Variants in ZFAND3 observed in about 807,000 individuals in gnomAD.
The protein encoded by ZFAND3 is zinc finger AN1-type containing 3.
ZFAND3 carries 10 observed loss-of-function variants against 29.6 expected under a neutral mutation model. The ratio of observed to expected loss-of-function variants is 0.34; its 90% CI spans 0.21 to 0.57. The LOEUF (loss-of-function observed/expected upper bound fraction) is 0.57. Ranked by LOEUF, ZFAND3 falls within the 20% of genes least tolerant of loss-of-function variation. The probability of loss-of-function intolerance (pLI) is 0.86; values close to 1 mark genes in which losing one functional copy is unlikely to be tolerated. For missense variants in ZFAND3, 230 were observed against 304.5 expected, an observed-to-expected ratio of 0.76 and a Z score of 1.82; for synonymous variants, 128 against 112.6, an observed-to-expected ratio of 1.14 and a Z score of -0.87.
intron 3 of ZFAND3, among the ~76,000 whole-genome samples, chr6:38,075,739 A>G (rs1195313974): frequency 7.3e-6 from 1 of 136,502 alleles, no homozygotes; most frequent in Non-Finnish European, 1.6e-5. Flanking sequence ...GAGTCAGTTG[A>G]TCTGGCAGAG....
At chr6:37,941,785 C>T (rs1308885208) in intron 2 of ZFAND3, among the ~76,000 whole-genome samples, 7 of 152,078 alleles carry the variant, frequency 4.6e-5, no homozygotes, top group East Asian at 1.9e-4. Flanking sequence ...TTGGTACTCC[C>T]GTTCTCTCAT....
At chr6:38,027,341 T>G (rs1024861530) in intron 2 of ZFAND3, among the ~76,000 whole-genome samples, 3 of 152,206 alleles carry the variant, frequency 2.0e-5, no homozygotes, top group African/African-American at 2.4e-5. Context: ...CATGGTGGAT[T>G]TATGGAATCT....
chr6:37,880,162 C>G (rs1356256189), intron 1 of ZFAND3, among the ~76,000 whole-genome samples: 1 of 152,162 alleles, frequency 6.6e-6, no homozygotes, highest in Non-Finnish European at 1.5e-5. Flanking sequence ...AATGTAGCAA[C>G]AAAAACTCAC....
At chr6:37,992,351 A>G (rs1295197680) in intron 2 of ZFAND3, among the ~76,000 whole-genome samples, 2 of 152,218 alleles carry the variant, frequency 1.3e-5, no homozygotes, top group African/African-American at 2.4e-5. Flanking sequence ...ATAAATGAAA[A>G]GAGTGGAGCT....
chr6:38,049,316 A>G (rs1308427247), intron 2 of ZFAND3, among the ~76,000 whole-genome samples: 2 of 152,240 alleles, frequency 1.3e-5, no homozygotes, highest in African/African-American at 2.4e-5. Flanking sequence ...AAGATTTACT[A>G]TATGTCAGGC....
chr6:37,842,591 T>C (rs1764098982), intron 1 of ZFAND3, among the ~76,000 whole-genome samples: 1 of 152,186 alleles, frequency 6.6e-6, no homozygotes, highest in Admixed American at 6.5e-5. Flanking sequence ...ATTTGCTTTT[T>C]AAATAATAAT....
chr6:37,980,058 A>G (rs1457941346), intron 2 of ZFAND3, among the ~76,000 whole-genome samples: 2 of 151,946 alleles, frequency 1.3e-5, no homozygotes, highest in African/African-American at 2.4e-5. Context: ...ACTCCACTTC[A>G]TGTTCCCTTC....
chr6:37,948,889 C>T (rs753333647), intron 2 of ZFAND3, among the ~76,000 whole-genome samples: 3 of 152,118 alleles, frequency 2.0e-5, no homozygotes, highest in Non-Finnish European at 4.4e-5. Flanking sequence ...CATGTCTTTG[C>T]TATTATGAAT....
At chr6:38,145,427 G>C (rs1766083645) in intron 5 of ZFAND3, among the ~76,000 whole-genome samples, 1 of 152,170 alleles carries the variant, frequency 6.6e-6, no homozygotes, top group African/African-American at 2.4e-5. Context: ...AGATGTTGTG[G>C]CACCTTTGCC....
At chr6:37,925,481 T>C (rs1383839015) in intron 1 of ZFAND3, among the ~76,000 whole-genome samples, 1 of 152,134 alleles carries the variant, frequency 6.6e-6, no homozygotes, top group Non-Finnish European at 1.5e-5. Context: ...GGTGGGCGGA[T>C]CACCTGAGGT....
chr6:37,987,373 C>T (rs1399663587), intron 2 of ZFAND3, among the ~76,000 whole-genome samples: 1 of 152,068 alleles, frequency 6.6e-6, no homozygotes, highest in Non-Finnish European at 1.5e-5. Context: ...GAGTATTAAC[C>T]AAAAATGTTT....
At chr6:37,989,286 C>T (rs1373167832) in intron 2 of ZFAND3, among the ~76,000 whole-genome samples, 3 of 152,194 alleles carry the variant, frequency 2.0e-5, no homozygotes, top group African/African-American at 7.2e-5. Flanking sequence ...AAGTCTCTAT[C>T]TTAAAATACC....
intron 5 of ZFAND3, among the ~76,000 whole-genome samples, chr6:38,143,539 G>A (rs1342542605): frequency 6.6e-6 from 1 of 151,806 alleles, no homozygotes; most frequent in African/African-American, 2.4e-5. Context: ...TAATTTATTT[G>A]GGGGAAAGCA....
intron 2 of ZFAND3, among the ~76,000 whole-genome samples, chr6:37,959,796 G>A (rs1211326807): frequency 6.6e-6 from 1 of 152,052 alleles, no homozygotes; most frequent in Non-Finnish European, 1.5e-5. Context: ...ACTAAATAGA[G>A]GCTAGTTCCT....
chr6:37,890,737 A>G (rs1417940570), intron 1 of ZFAND3, among the ~76,000 whole-genome samples: 1 of 152,258 alleles, frequency 6.6e-6, no homozygotes, highest in Non-Finnish European at 1.5e-5. Flanking sequence ...TTTCAAGATA[A>G]GCACACAGTT....
At chr6:38,011,306 A>G (rs1763148694) in intron 2 of ZFAND3, among the ~76,000 whole-genome samples, 1 of 152,194 alleles carries the variant, frequency 6.6e-6, no homozygotes, top group African/African-American at 2.4e-5. Flanking sequence ...TCTTGCATAA[A>G]TACACACAGT....
At position 38,154,134 on chromosome 6, in the gene ZFAND3, G is replaced by C. The variant is rs972526987; in HGVS notation, c.*1745G>C. ...AGGGCAGAGGGGCCAGGTCTGCCCA[G>C]CGTTTACCACTGCTGTCAAGCCACA... On this transcript the variant is annotated 3_prime_UTR_variant, in exon 6 of 6. Transcript: ENST00000287218. The C allele has an allele frequency of 5.1e-6, 5 of 985,462 alleles. No homozygotes were observed. The highest frequency in any genetic ancestry group is 3.6e-6 in the Non-Finnish European group (3 of 830,030). 61.0% of individuals were successfully genotyped at this position (985,462 alleles called of 1,614,324 possible).
At chr6:38,032,149 T>A (rs1034100327) in intron 2 of ZFAND3, among the ~76,000 whole-genome samples, 5 of 152,148 alleles carry the variant, frequency 3.3e-5, no homozygotes, top group Non-Finnish European at 7.4e-5. Flanking sequence ...CTGCATTTTT[T>A]AATGTATTAT....
chr6:38,071,432 T>G (rs1764452292), intron 3 of ZFAND3, among the ~76,000 whole-genome samples: 2 of 152,088 alleles, frequency 1.3e-5, no homozygotes, highest in South Asian at 4.1e-4. Context: ...TTTTCCCAAG[T>G]GGATAACCAG....
Sources: allele counts gnomAD v4.1 joint callset (sites outside exome capture counted in the v4.1 genomes callset), GRCh38; gene constraint gnomAD v4.1.1; transcripts MANE v1.5; gene names NCBI Gene and HGNC (gene_info 2026-07-23, HGNC 2026-07-21).